Variants in B4GALNT3 observed in about 807,000 individuals in gnomAD.
B4GALNT3 encodes the protein beta-1,4-N-acetyl-galactosaminyltransferase 3.
B4GALNT3 carries 86 observed loss-of-function variants against 120.2 expected under a neutral mutation model. The ratio of observed to expected loss-of-function variants is 0.72; its 90% CI spans 0.60 to 0.86. The LOEUF is 0.86. Among genes scored for constraint, B4GALNT3 ranks in the 40% least tolerant of loss-of-function variants. B4GALNT3 has a pLI of 0.00. For synonymous variants in B4GALNT3, 518 were observed against 510.4 expected, an observed-to-expected ratio of 1.01 and a Z score of -0.20; for missense variants, 1,167 against 1,298.9, an observed-to-expected ratio of 0.90 and a Z score of 1.56.
At position 516,519 on chromosome 12, in the gene B4GALNT3, C is replaced by T. The variant is rs191695916; in HGVS notation, c.170-18647C>T. On this transcript the variant is annotated intron_variant, in intron 1 of 19. Transcript: ENST00000266383. ...GTGGTAAAGAGATAGGAGACAAGGTCGGAGATTTAATCTGCAAGGCCTTAC... is the reference window on the plus strand; with the variant it reads ...GTGGTAAAGAGATAGGAGACAAGGTTGGAGATTTAATCTGCAAGGCCTTAC... Among the ~76,000 whole-genome samples, 791 of 152,212 alleles carry T rather than the reference C, an allele frequency of 5.2e-3. 5 individuals carry two copies. The highest frequency in any genetic ancestry group is 0.041 in the Middle Eastern group (12 of 294).
intron 1 of B4GALNT3, among the ~76,000 whole-genome samples, chr12:505,473 C>T (rs565054292): frequency 6.6e-6 from 1 of 152,334 alleles, no homozygotes; most frequent in African/African-American, 2.4e-5. Flanking sequence ...GTCTGCCCAG[C>T]CATTTGAACC....
chr12:527,888 A>G (rs1592042716), intron 1 of B4GALNT3, among the ~76,000 whole-genome samples: 1 of 141,894 alleles, frequency 7.0e-6, no homozygotes, highest in South Asian at 2.3e-4. Flanking sequence ...GAGAGATGTT[A>G]GTCAAATGAG....
intron 1 of B4GALNT3, among the ~76,000 whole-genome samples, chr12:474,849 G>A (rs150046281): frequency 1.4e-3 from 215 of 151,180 alleles, no homozygotes; most frequent in African/African-American, 5.1e-3. Context: ...CCAGCTACTC[G>A]GGAGGCTCAA....
chr12:560,467 T>C (rs1356600749), intron 19 of B4GALNT3, among the ~76,000 whole-genome samples: 1 of 152,174 alleles, frequency 6.6e-6, no homozygotes, highest in East Asian at 1.9e-4. Context: ...GTTAATAACT[T>C]GCCCCAAATC....
intron 1 of B4GALNT3, among the ~76,000 whole-genome samples, chr12:488,163 A>C (rs1030135432): frequency 2.0e-4 from 30 of 150,448 alleles, no homozygotes; most frequent in Middle Eastern, 3.5e-3. Context: ...AAAAAAAAAA[A>C]CCCCATCAAC....
At chr12:518,815 A>G (rs1222020075) in intron 1 of B4GALNT3, among the ~76,000 whole-genome samples, 1 of 152,066 alleles carries the variant, frequency 6.6e-6, no homozygotes, top group Non-Finnish European at 1.5e-5. Context: ...TTTAACTTGT[A>G]TTTTCTATTA....
intron 1 of B4GALNT3, among the ~76,000 whole-genome samples, chr12:529,694 G>A (rs1213228267): frequency 6.6e-6 from 1 of 152,130 alleles, no homozygotes; most frequent in Non-Finnish European, 1.5e-5. Flanking sequence ...AAGGTGAGCT[G>A]CTATGAATAT....
At chr12:545,995 G>A (rs1316832857) in intron 6 of B4GALNT3, among the ~76,000 whole-genome samples, 2 of 130,686 alleles carry the variant, frequency 1.5e-5, no homozygotes, top group African/African-American at 5.9e-5. Context: ...TGAGAGGAGT[G>A]GGGAGGTGAG....
chr12:474,147 G>T (rs141634614), intron 1 of B4GALNT3, among the ~76,000 whole-genome samples: 9 of 152,310 alleles, frequency 5.9e-5, no homozygotes, highest in African/African-American at 2.2e-4. Flanking sequence ...CACCTCACTG[G>T]CAGGAATAGA....
chr12:467,384 G>T (rs937041306), intron 1 of B4GALNT3, among the ~76,000 whole-genome samples: 5 of 152,098 alleles, frequency 3.3e-5, no homozygotes, highest in Non-Finnish European at 7.3e-5. Flanking sequence ...CATGATGAAA[G>T]CCCATCTCTA....
intron 1 of B4GALNT3, among the ~76,000 whole-genome samples, chr12:526,007 C>A (rs1408774219): frequency 1.3e-5 from 2 of 152,176 alleles, no homozygotes. Flanking sequence ...CATCAGCATC[C>A]AGTTAGCCCT....
intron 1 of B4GALNT3, among the ~76,000 whole-genome samples, chr12:486,779 A>C (rs1354084284): frequency 3.3e-5 from 5 of 152,088 alleles, no homozygotes; most frequent in Non-Finnish European, 7.3e-5. Context: ...TTTACTCAGC[A>C]CATCACTTTC....
At chr12:496,804 C>T (rs908633847) in intron 1 of B4GALNT3, among the ~76,000 whole-genome samples, 2 of 152,186 alleles carry the variant, frequency 1.3e-5, no homozygotes, top group Non-Finnish European at 2.9e-5. Flanking sequence ...TTTACCCAGT[C>T]TTGTGTGTGG....
chr12:484,537 AGAG>A (rs1310241409), intron 1 of B4GALNT3, among the ~76,000 whole-genome samples: 2 of 152,152 alleles, frequency 1.3e-5, no homozygotes, highest in Non-Finnish European at 2.9e-5. Flanking sequence ...GTTAGATTTG[AGAG>A]GAGGAGTAGC....
intron 1 of B4GALNT3, among the ~76,000 whole-genome samples, chr12:467,428 G>A (rs1368341153): frequency 1.3e-5 from 2 of 152,110 alleles, no homozygotes; most frequent in African/African-American, 4.8e-5. Context: ...GTGTGGTGGT[G>A]TGTGCCTGTA....
At chr12:487,800 A>T (rs767470273) in intron 1 of B4GALNT3, among the ~76,000 whole-genome samples, 62 of 151,794 alleles carry the variant, frequency 4.1e-4, no homozygotes, top group Admixed American at 7.2e-4. Flanking sequence ...CCAAAAAAAA[A>T]TTTTAAAATT....
intron 1 of B4GALNT3, among the ~76,000 whole-genome samples, chr12:517,503 G>A (rs1436925406): frequency 6.6e-6 from 1 of 152,108 alleles, no homozygotes; most frequent in Non-Finnish European, 1.5e-5. Flanking sequence ...GGGGTTGGAG[G>A]TGGCCCTGTA....
intron 1 of B4GALNT3, among the ~76,000 whole-genome samples, chr12:529,624 A>T (rs928492761): frequency 2.6e-5 from 4 of 152,256 alleles, no homozygotes; most frequent in Non-Finnish European, 5.9e-5. Context: ...ATTATCTGCA[A>T]TTTTACTCAG....
chr12:508,552 C>T (rs1392975414), intron 1 of B4GALNT3, among the ~76,000 whole-genome samples: 2 of 152,158 alleles, frequency 1.3e-5, no homozygotes, highest in African/African-American at 4.8e-5. Flanking sequence ...TAAATTATAC[C>T]CGAGGTTTGG....
Sources: gnomAD v4.1 joint callset for allele counts (sites outside exome capture counted in the v4.1 genomes callset) on GRCh38, gnomAD v4.1.1 for gene constraint, MANE v1.5 for transcripts, NCBI Gene and HGNC (gene_info 2026-07-23, HGNC 2026-07-21) for gene names.